The following PAQR3 variants were observed in gnomAD, a reference collection of about 807,000 sequenced individuals.
PAQR3 encodes the protein Raf kinase trapping to Golgi.
In PAQR3, 39 loss-of-function variants were observed where a neutral mutation model predicts 41.7. The observed-to-expected ratio is 0.93, with a 90% CI of 0.72 to 1.22. The LOEUF (loss-of-function observed/expected upper bound fraction) is 1.22, where lower values mean the gene tolerates loss of function less well. Ranked by LOEUF, PAQR3 falls within the 50% of genes most tolerant of loss-of-function variation. The probability of loss-of-function intolerance (pLI) is 0.00; values close to 1 mark genes in which losing one functional copy is unlikely to be tolerated. For missense variants in PAQR3, 366 were observed against 385.6 expected, an observed-to-expected ratio of 0.95 and a Z score of 0.42; for synonymous variants, 140 against 140.6, an observed-to-expected ratio of 1.00 and a Z score of 0.03.
intron 11 of PAQR3, among the ~76,000 whole-genome samples, chr4:78,899,797 T>C (rs899062014): frequency 2.0e-5 from 3 of 152,178 alleles, no homozygotes; most frequent in Non-Finnish European, 4.4e-5. Flanking sequence ...GTTGGAATCC[T>C]GATTGCAGTG....
chr4:78,923,098 T>C (rs1007117754), intron 5 of PAQR3: 6 of 395,300 alleles, frequency 1.5e-5, no homozygotes, highest in Non-Finnish European at 3.0e-5. Context: ...AAAGCCAGCT[T>C]TGTCACCATT....
chr4:78,912,509 G>C lies in PAQR3; in HGVS notation c.*8030C>G, dbSNP rs895579201. On this transcript the variant is annotated 3_prime_UTR_variant, in exon 6 of 6. Coordinates refer to ENST00000512733, the MANE Select transcript of PAQR3 (RefSeq NM_001040202.2). ...TTAAAAACAATCTAGTTATCTTAAA[G>C]CATTAGAAAGTTATTATCTGGAGAG... 11 of 153,922 alleles carry C rather than the reference G, an allele frequency of 7.1e-5. No homozygotes were observed. The highest frequency in any genetic ancestry group is 2.7e-4 in the African/African-American group (11 of 41,400). 9.5% of individuals were successfully genotyped at this position (153,922 alleles called of 1,614,324 possible). A position where few individuals can be genotyped will look rare whatever the true frequency, so the allele number is the denominator to read the frequency against.
At chr4:78,892,141 G>C (rs1460926720) in intron 11 of PAQR3, among the ~76,000 whole-genome samples, 1 of 152,108 alleles carries the variant, frequency 6.6e-6, no homozygotes, top group Non-Finnish European at 1.5e-5. Context: ...TGTACTTTCT[G>C]TAAGAGTTAG....
At chr4:78,900,499 A>G (rs752983771) in intron 11 of PAQR3, among the ~76,000 whole-genome samples, 1 of 152,232 alleles carries the variant, frequency 6.6e-6, no homozygotes, top group Non-Finnish European at 1.5e-5. Flanking sequence ...TGAGAGTCTA[A>G]CAAGACATAA....
intron 5 of PAQR3, 115 bp from the exon 6 acceptor site, chr4:78,920,796 T>A: frequency 8.9e-7 from 1 of 1,128,908 alleles, no homozygotes; most frequent in Non-Finnish European, 1.2e-6. Context: ...TCAGAGTGCC[T>A]AGAGACTAAC....
At position 78,924,568 on chromosome 4, in the gene PAQR3, AG is replaced by A. The variant is rs1578016368; in HGVS notation, c.703-622del. Among the ~76,000 whole-genome samples the A allele has an allele frequency of 2.0e-5, 3 of 152,264 alleles. No homozygotes were observed. The East Asian group carries it at 5.8e-4, about 29-fold the overall frequency. ...TACCACTTTGGGAGGCTTTGGCAGAAGGATCGCTTGATGACAGGAGTTCAAA... is the reference window on the plus strand; with the variant it reads ...TACCACTTTGGGAGGCTTTGGCAGAAGATCGCTTGATGACAGGAGTTCAAA... On this transcript the variant is annotated intron_variant, in intron 4 of 5. Coordinates refer to ENST00000512733, the MANE Select transcript of PAQR3 (RefSeq NM_001040202.2).
chr4:78,907,032 G>T (rs12648450), downstream of PAQR3, among the ~76,000 whole-genome samples: 8,856 of 152,040 alleles, frequency 0.058, 363 homozygotes, highest in East Asian at 0.22. Context: ...TTTACTCCTT[G>T]AAGGAAAAAG....
At chr4:78,906,069 T>A (rs536090375) in intron 11 of PAQR3, 1 of 152,146 alleles carries the variant, frequency 6.6e-6, no homozygotes, top group Non-Finnish European at 1.5e-5. Flanking sequence ...TCATGATGAA[T>A]AGATGATTAA....
intron 11 of PAQR3, among the ~76,000 whole-genome samples, chr4:78,899,456 C>T (rs1352772297): frequency 6.6e-6 from 1 of 151,974 alleles, no homozygotes; most frequent in Non-Finnish European, 1.5e-5. Context: ...AGAAGACATC[C>T]AAGACAGAAA....
downstream of PAQR3, chr4:78,911,541 T>C (rs371511868): frequency 2.3e-4 from 370 of 1,613,930 alleles, no homozygotes; most frequent in Non-Finnish European, 3.0e-4. Context: ...AGCGGCATCA[T>C]GGCACGCCAA....
rs1317535157 is a variant in PAQR3, at chr4:78,932,969, C to T, written c.348+2152G>A. On this transcript the variant is annotated intron_variant, in intron 2 of 5. Coordinates refer to ENST00000512733, the MANE Select transcript of PAQR3 (RefSeq NM_001040202.2). ...GATAATTACAGTGTTACATTCACAT[C>T]GAAACTCCTTGGCATGATAACAAAA... 7 of 336,654 alleles carry T rather than the reference C, an allele frequency of 2.1e-5. No individual in the cohort carries two copies. In the East Asian group the frequency reaches 2.2e-4, roughly 11 times the overall value. The allele number at this position is 336,654 out of a possible 1,614,324, so 20.9% of individuals were successfully genotyped here. A position where few individuals can be genotyped will look rare whatever the true frequency, so the allele number is the denominator to read the frequency against.
downstream of PAQR3, chr4:78,910,502 A>G: frequency 1.1e-6 from 1 of 921,614 alleles, no homozygotes; most frequent in Non-Finnish European, 1.6e-6. Flanking sequence ...CTCTAAGGGA[A>G]CTCGTATGAG....
chr4:78,927,124 A>G (rs1578021781), intron 3 of PAQR3, among the ~76,000 whole-genome samples: 1 of 152,254 alleles, frequency 6.6e-6, no homozygotes, highest in East Asian at 1.9e-4. Context: ...AGAACATTGT[A>G]GAACCACAGA....
rs1042850155 is a variant in PAQR3, at chr4:78,918,431, TATTC to T, written c.*2104_*2107del. On this transcript the variant is annotated 3_prime_UTR_variant, in exon 6 of 6. Coordinates refer to ENST00000512733, the MANE Select transcript of PAQR3 (RefSeq NM_001040202.2). ...AGTGTTTCTAGTTAACAGCAATCCA[TATTC>T]ATTCATTCATTCCCTATTTTATAAT... 18 of 974,688 alleles carry T rather than the reference TATTC, an allele frequency of 1.8e-5. No homozygotes were observed. Among genetic ancestry groups the T allele is most frequent in the South Asian group, 4.7e-5 (1 of 21,076 alleles). 60.4% of individuals were successfully genotyped at this position (974,688 alleles called of 1,614,324 possible). A position where few individuals can be genotyped will look rare whatever the true frequency, so the allele number is the denominator to read the frequency against.
chr4:78,931,704 A>G (rs542843634), intron 2 of PAQR3, among the ~76,000 whole-genome samples: 12 of 152,296 alleles, frequency 7.9e-5, no homozygotes, highest in African/African-American at 2.2e-4. Context: ...GGTGGGAAGA[A>G]AAGTATCAGA....
chr4:78,889,738 A>ATG (rs1366698756), intron 11 of PAQR3, among the ~76,000 whole-genome samples: 1 of 152,244 alleles, frequency 6.6e-6, no homozygotes. Flanking sequence ...TCCCAGGTGT[A>ATG]TGTGTGTATA....
chr4:78,926,388 C>A (rs1425715106), intron 4 of PAQR3, 133 bp downstream of exon 4: 10 of 716,698 alleles, frequency 1.4e-5, no homozygotes, highest in Non-Finnish European at 2.3e-5. Flanking sequence ...ATTACGGCAT[C>A]AACATGCAAT....
chr4:78,936,506 G>C (rs1321615383), intron 1 of PAQR3, among the ~76,000 whole-genome samples: 1 of 152,114 alleles, frequency 6.6e-6, no homozygotes, highest in Non-Finnish European at 1.5e-5. Context: ...ATACGTCAAC[G>C]CTTACTAGTA....
intron 2 of PAQR3, among the ~76,000 whole-genome samples, chr4:78,932,215 T>C (rs1443537072): frequency 6.6e-6 from 1 of 152,218 alleles, no homozygotes; most frequent in Non-Finnish European, 1.5e-5. Flanking sequence ...ATCAATTGTC[T>C]AAAATCCTTA....
Sources: allele counts gnomAD v4.1 joint callset (sites outside exome capture counted in the v4.1 genomes callset), GRCh38; gene constraint gnomAD v4.1.1; transcripts MANE v1.5; gene names NCBI Gene and HGNC (gene_info 2026-07-23, HGNC 2026-07-21).